Variants in GCSAM observed in about 807,000 individuals in gnomAD.
GCSAM encodes the protein germinal center associated signaling and motility.
Under a neutral mutation model 17.6 loss-of-function variants are expected in GCSAM, and 8 were observed. The observed-to-expected ratio is 0.46, with a 90% confidence interval of 0.27 to 0.82. GCSAM has a LOEUF of 0.82. GCSAM is among the 40% of genes least tolerant of loss of function. GCSAM has a pLI of 0.15. For missense variants in GCSAM, 192 were observed against 213.5 expected, an observed-to-expected ratio of 0.90 and a Z score of 0.63; for synonymous variants, 68 against 69.0, an observed-to-expected ratio of 0.98 and a Z score of 0.07.
rs780389833 is a variant in GCSAM at position 112,123,426 on chromosome 3, G to A, written c.*29C>T. 1.9e-6 allele frequency: 3 copies of A among 1,602,272 alleles called. No homozygotes were observed. The East Asian group carries it at 6.7e-5, about 36-fold the overall frequency. ...CCCATCCCACCTTTTATTTGTTGGT[G>A]CTAAACAAATGCTAGTCCAGCCACT... On this transcript the variant is annotated 3_prime_UTR_variant, in exon 6 of 6. Coordinates refer to ENST00000308910, the MANE Select transcript of GCSAM (RefSeq NM_152785.5).
intron 3 of GCSAM, among the ~76,000 whole-genome samples, chr3:112,127,573 C>A (rs1178131643): frequency 2.6e-5 from 4 of 152,182 alleles, no homozygotes; most frequent in Non-Finnish European, 4.4e-5. Flanking sequence ...TTGCCTCAGT[C>A]TGGTGAAGGT....
Position 112,123,674 on chromosome 3 carries a change from G to C in GCSAM, c.318C>G (p.Tyr106Ter). 1 of 1,614,042 alleles carries C rather than the reference G, an allele frequency of 6.2e-7. No individual in the cohort carries two copies. The highest frequency in any genetic ancestry group is 2.2e-5 in the East Asian group (1 of 44,888). ...CAGCTTTGCAGGGAACATTCTCATAGTACTCTTCAGCAGAGTTCCCTGATG... is the reference window on the plus strand; with the variant it reads ...CAGCTTTGCAGGGAACATTCTCATACTACTCTTCAGCAGAGTTCCCTGATG... ...TRPSGNSAEE[Y>*]YENVPCKAER... is the part of the protein sequence containing the mutation. Residue 106 changes from tyrosine to a stop codon, truncating the protein, a stop_gained, in exon 6 of 6, where the codon TAC (tyrosine) becomes TAG (stop). Transcript: ENST00000308910. LOFTEE classifies it low-confidence loss of function (END_TRUNC).
chr3:112,123,066 TATG>T lies in GCSAM; in HGVS notation c.*386_*388del, dbSNP rs549173676. Reference sequence around the variant, plus strand: ...TGAACTCCCCCTTGGGCACACTTAGTATGATGAGTAAAGCTTCCTTGTGACTTT... The same window carrying T: ...TGAACTCCCCCTTGGGCACACTTAGTATGAGTAAAGCTTCCTTGTGACTTT... On this transcript the variant is annotated 3_prime_UTR_variant, in exon 6 of 6. Coordinates refer to ENST00000308910, the MANE Select transcript of GCSAM (RefSeq NM_152785.5). 30 of 230,256 alleles carry T rather than the reference TATG, an allele frequency of 1.3e-4. No homozygotes were observed. The highest frequency in any genetic ancestry group is 5.0e-4 in the African/African-American group (22 of 43,776). The allele number at this position is 230,256 out of a possible 1,614,324, so 14.3% of individuals were successfully genotyped here.
chr3:112,128,006 T>G lies in GCSAM; in HGVS notation c.143+11A>C. On this transcript the variant is annotated intron_variant, in intron 3 of 5. Coordinates refer to ENST00000308910, the MANE Select transcript of GCSAM (RefSeq NM_152785.5). ...TAGGGAAATAACTCCTAAAAACAACTGTCCACTCACCATGGAAGGCAGAAA... is the reference window on the plus strand; with the variant it reads ...TAGGGAAATAACTCCTAAAAACAACGGTCCACTCACCATGGAAGGCAGAAA... 6.2e-7 allele frequency: 1 copy of G among 1,611,764 alleles called. No individual in the cohort carries two copies. Among genetic ancestry groups the G allele is most frequent in the African/African-American group, 1.3e-5 (1 of 74,964 alleles).
In GCSAM at chr3:112,130,522, C is replaced by T; in HGVS notation, c.30-9G>A. ...GAGTGTTCTGCTGCCGCCTGAAACT[C>T]AACATATCAGAAACAGGCTAAGTAT... is the stretch of plus-strand genomic sequence containing the variant. On this transcript the variant is annotated splice_polypyrimidine_tract_variant and intron_variant, in intron 1 of 5. Transcript: ENST00000308910. 6.2e-7 allele frequency: 1 copy of T among 1,613,026 alleles called. No homozygotes were observed. The highest frequency in any genetic ancestry group is 8.5e-7 in the Non-Finnish European group (1 of 1,179,080).
At chr3:112,127,100 T>A (rs2074341138) in intron 3 of GCSAM, 67 bp from the exon 4 acceptor site, 1 of 994,568 alleles carries the variant, frequency 1.0e-6, no homozygotes, top group Non-Finnish European at 1.6e-6. Flanking sequence ...GACACAAGCC[T>A]ACAAAACTTA....
intron 5 of GCSAM, 108 bp downstream of exon 5, chr3:112,125,118 C>T: frequency 1.3e-6 from 1 of 763,812 alleles, no homozygotes. Flanking sequence ...TAAAGTCTTT[C>T]TCCATGTAAG....
rs372956418 is a variant in GCSAM, at chr3:112,123,705, G to A, written c.287C>T (p.Thr96Ile). The A allele has an allele frequency of 5.6e-6, 9 of 1,613,914 alleles. No individual in the cohort carries two copies. In the African/African-American group the frequency reaches 6.7e-5, roughly 12 times the overall value. The change falls in exon 6 of 6, where the codon ACA becomes ATA. Residue 96 changes from threonine (T) to isoleucine (I), a missense_variant. Coordinates refer to ENST00000308910, the MANE Select transcript of GCSAM (RefSeq NM_152785.5). ...YTLINHRVLC[T>I]RPSGNSAEEY... Reference sequence around the variant, plus strand: ...TTCAGCAGAGTTCCCTGATGGCCTTGTACAGAGAACCCGATGATTGATGAG... The same window carrying A: ...TTCAGCAGAGTTCCCTGATGGCCTTATACAGAGAACCCGATGATTGATGAG...
chr3:112,127,983 G>A (rs1343402472), intron 3 of GCSAM, 34 bp downstream of exon 3: 1 of 1,593,566 alleles, frequency 6.3e-7, no homozygotes, highest in South Asian at 1.1e-5. Flanking sequence ...ACCACACTTA[G>A]GGAAATAACT....
At chr3:112,131,543 C>A (rs2074451649) in intron 1 of GCSAM, among the ~76,000 whole-genome samples, 1 of 151,704 alleles carries the variant, frequency 6.6e-6, no homozygotes, top group African/African-American at 2.4e-5. Context: ...TTCAGGCTGC[C>A]CTCAAACTCC....
intron 2 of GCSAM, chr3:112,128,609 G>A (rs929937202): frequency 5.3e-6 from 1 of 190,416 alleles, no homozygotes; most frequent in East Asian, 1.3e-4. Context: ...CTGGCACACA[G>A]TAAATGGGTT....
intron 1 of GCSAM, among the ~76,000 whole-genome samples, chr3:112,132,291 T>G (rs1394991207): frequency 6.6e-6 from 1 of 152,118 alleles, no homozygotes; most frequent in East Asian, 1.9e-4. Context: ...TCCAGTAGCA[T>G]GAACTGAGAC....
chr3:112,123,817 A>C, intron 5 of GCSAM, 45 bp from the exon 6 acceptor site: 1 of 1,576,258 alleles, frequency 6.3e-7, no homozygotes, highest in Non-Finnish European at 8.6e-7. Flanking sequence ...GTCTCTTGCC[A>C]TGACCTTTAC....
intron 3 of GCSAM, 103 bp from the exon 4 acceptor site, chr3:112,127,136 T>TA: frequency 4.3e-6 from 3 of 691,038 alleles, no homozygotes; most frequent in Non-Finnish European, 7.4e-6. Flanking sequence ...TAAAGTTATA[T>TA]ACCTTTTATA....
chr3:112,125,106 T>G (rs1323684550), intron 5 of GCSAM, 120 bp downstream of exon 5: 1 of 731,780 alleles, frequency 1.4e-6, no homozygotes, highest in African/African-American at 1.8e-5. Context: ...AGCACTGACA[T>G]CTAAAGTCTT....
chr3:112,130,420 G>A, intron 2 of GCSAM, 25 bp downstream of exon 2: 1 of 1,594,910 alleles, frequency 6.3e-7, no homozygotes, highest in Non-Finnish European at 8.6e-7. Context: ...AGGTCTGGGG[G>A]GTGTTTGGTT....
rs1196204438 is a variant in GCSAM, at chr3:112,123,712, G to A, written c.280C>T (p.Leu94Phe). The change falls in exon 6 of 6, where the codon CTC becomes TTC. Residue 94 changes from leucine to phenylalanine, a missense_variant. Leu to Phe is a conservative substitution (Grantham distance 22). Coordinates refer to ENST00000308910, the MANE Select transcript of GCSAM (RefSeq NM_152785.5). ...LCYTLINHRV[L>F]CTRPSGNSAE... ...GAGTTCCCTGATGGCCTTGTACAGA[G>A]AACCCGATGATTGATGAGGGTATAG... The A allele has an allele frequency of 6.2e-7, 1 of 1,613,976 alleles. No homozygotes were observed. Among genetic ancestry groups the A allele is most frequent in the African/African-American group, 1.3e-5 (1 of 74,924 alleles).
At position 112,128,331 on chromosome 3, in the gene GCSAM, TCCTTGGTTC is replaced by T. The variant is rs964659045; in HGVS notation, c.99-279_99-271del. ...TTCCTCACTCTCAATTCTGGTAATT[TCCTTGGTTC>T]CCTTGTAATGAAGAACACGTAAGTG... On this transcript the variant is annotated intron_variant, in intron 2 of 5. Transcript: ENST00000308910. 51 of 614,284 alleles carry T rather than the reference TCCTTGGTTC, an allele frequency of 8.3e-5. No individual in the cohort carries two copies. In the Middle Eastern group the frequency reaches 1.7e-3, roughly 21 times the overall value. The allele number at this position is 614,284 out of a possible 1,614,324, so 38.1% of individuals were successfully genotyped here. A position where few individuals can be genotyped will look rare whatever the true frequency, so the allele number is the denominator to read the frequency against.
chr3:112,126,921 GAGA>G, intron 4 of GCSAM, 63 bp downstream of exon 4: 4 of 1,088,040 alleles, frequency 3.7e-6, no homozygotes, highest in East Asian at 2.4e-5. Flanking sequence ...TGGGAACATA[GAGA>G]AGAAGTAGTT....
Sources: gnomAD v4.1 joint callset for allele counts (sites outside exome capture counted in the v4.1 genomes callset) on GRCh38, gnomAD v4.1.1 for gene constraint, MANE v1.5 for transcripts, NCBI Gene and HGNC (gene_info 2026-07-23, HGNC 2026-07-21) for gene names.